The following CLPX variants were observed in gnomAD, a reference collection of about 807,000 sequenced individuals.
CLPX encodes the protein ATP-dependent clpX-like chaperone, mitochondrial.
A neutral mutation model predicts 76.4 loss-of-function variants in CLPX; 34 were observed. The observed-to-expected ratio is 0.45, with a 90% CI of 0.34 to 0.59. The LOEUF (loss-of-function observed/expected upper bound fraction) is 0.59, where lower values mean the gene tolerates loss of function less well. Among genes scored for constraint, CLPX ranks in the 20% least tolerant of loss-of-function variants. The pLI is 0.01. For synonymous variants in CLPX, 248 were observed against 270.9 expected (o/e 0.92, Z 0.83); for missense variants, 613 against 757.0 (o/e 0.81, Z 2.23).
rs2087709022 is a variant in CLPX at position 65,150,763 on chromosome 15, C to T, written c.*60G>A. The T allele has an allele frequency of 8.5e-7, 1 of 1,182,828 alleles. No individual in the cohort carries two copies. The highest frequency in any genetic ancestry group is 1.3e-5 in the South Asian group (1 of 75,662). The allele number at this position is 1,182,828 out of a possible 1,614,324, so 73.3% of individuals were successfully genotyped here. ...TGCCTTTAATATCAGACTGTAGAGA[C>T]AATTATGATCCTAAACAAAAGAAGG... On this transcript the variant is annotated 3_prime_UTR_variant, in exon 14 of 14. Transcript: ENST00000300107.
intron 6 of CLPX, among the ~76,000 whole-genome samples, chr15:65,159,139 C>A (rs1396920739): frequency 6.6e-6 from 1 of 152,192 alleles, no homozygotes; most frequent in Non-Finnish European, 1.5e-5. Flanking sequence ...ACTTTATGTT[C>A]CTGTTTCCTA....
At position 65,157,925 on chromosome 15, in the gene CLPX, A is replaced by C; in HGVS notation, c.893-15T>G. ...CAGAGTTTTACCTACAAATAGAAACAGTCACTAAAAGTTTACTGAAAATAT... is the reference window on the plus strand; with the variant it reads ...CAGAGTTTTACCTACAAATAGAAACCGTCACTAAAAGTTTACTGAAAATAT... On this transcript the variant is annotated splice_polypyrimidine_tract_variant and intron_variant, in intron 7 of 13. Coordinates refer to ENST00000300107, the MANE Select transcript of CLPX (RefSeq NM_006660.5). The C allele has an allele frequency of 6.5e-7, 1 of 1,548,076 alleles. No individual in the cohort carries two copies. Among genetic ancestry groups the C allele is most frequent in the Non-Finnish European group, 8.7e-7 (1 of 1,150,134 alleles).
intron 3 of CLPX, among the ~76,000 whole-genome samples, chr15:65,168,611 G>C (rs1409126006): frequency 9.0e-6 from 1 of 111,726 alleles, no homozygotes; most frequent in Admixed American, 9.9e-5. Flanking sequence ...GGTGGGGGGA[G>C]GGGGGAGGGA....
At chr15:65,175,335 A>C (rs2088075705) in intron 3 of CLPX, among the ~76,000 whole-genome samples, 1 of 151,980 alleles carries the variant, frequency 6.6e-6, no homozygotes, top group Non-Finnish European at 1.5e-5. Context: ...AAAATACAAA[A>C]ATTAGCCTGG....
intron 2 of CLPX, 26 bp from the exon 3 acceptor site, chr15:65,179,077 G>A: frequency 7.0e-7 from 1 of 1,427,582 alleles, no homozygotes; most frequent in Middle Eastern, 1.8e-4. Context: ...GAGAAAAAAG[G>A]AAGAGTGTCA....
At chr15:65,174,889 C>G (rs1307843679) in intron 3 of CLPX, among the ~76,000 whole-genome samples, 1 of 152,200 alleles carries the variant, frequency 6.6e-6, no homozygotes, top group African/African-American at 2.4e-5. Context: ...CATTAACATA[C>G]ACAGCTCTCA....
intron 2 of CLPX, among the ~76,000 whole-genome samples, chr15:65,179,318 T>C (rs1347330608): frequency 1.3e-5 from 2 of 152,208 alleles, no homozygotes; most frequent in Non-Finnish European, 2.9e-5. Flanking sequence ...TTTCATTCAA[T>C]GACTCAGGCA....
chr15:65,184,086 A>C (rs1242954812), intron 1 of CLPX, among the ~76,000 whole-genome samples: 1 of 152,250 alleles, frequency 6.6e-6, no homozygotes, highest in Non-Finnish European at 1.5e-5. Flanking sequence ...AGATATATTT[A>C]GTAAACAATA....
chr15:65,156,696 C>T, intron 9 of CLPX, 148 bp downstream of exon 9: 2 of 474,940 alleles, frequency 4.2e-6, no homozygotes, highest in Non-Finnish European at 3.7e-6. Flanking sequence ...CTTTTAGGAT[C>T]TAAACTACTT....
At chr15:65,159,248 A>G (rs1212848312) in intron 6 of CLPX, among the ~76,000 whole-genome samples, 1 of 152,174 alleles carries the variant, frequency 6.6e-6, no homozygotes, top group Non-Finnish European at 1.5e-5. Flanking sequence ...GGATCTTTCT[A>G]TTTCCTTTAT....
chr15:65,163,707 G>A (rs1054524790), intron 5 of CLPX, among the ~76,000 whole-genome samples: 3 of 151,998 alleles, frequency 2.0e-5, no homozygotes, highest in East Asian at 1.9e-4. Context: ...GGCAGGTCTC[G>A]AACTCCTGAC....
chr15:65,163,676 C>A (rs931357823), intron 5 of CLPX, among the ~76,000 whole-genome samples: 1 of 152,010 alleles, frequency 6.6e-6, no homozygotes, highest in African/African-American at 2.4e-5. Flanking sequence ...TTAGTAGAGA[C>A]GGAGTTTCCC....
intron 7 of CLPX, chr15:65,158,368 A>G: frequency 2.2e-6 from 1 of 459,714 alleles, no homozygotes; most frequent in South Asian, 4.9e-5. Context: ...ATTCCTGTGA[A>G]GATGTTAGGG....
intron 3 of CLPX, among the ~76,000 whole-genome samples, chr15:65,167,303 T>G (rs1185214757): frequency 6.6e-6 from 1 of 152,098 alleles, no homozygotes; most frequent in Non-Finnish European, 1.5e-5. Context: ...TCTCTTCACC[T>G]TGTTATCTGC....
At chr15:65,157,211 T>C (rs1337921436) in intron 8 of CLPX, among the ~76,000 whole-genome samples, 1 of 152,202 alleles carries the variant, frequency 6.6e-6, no homozygotes. Context: ...TTCTTTATAG[T>C]ATGGAAGCAG....
rs919754136 is a variant in CLPX, at chr15:65,153,647, T to C, written c.1612-8A>G. 42 of 1,448,860 alleles carry C rather than the reference T, an allele frequency of 2.9e-5. No homozygotes were observed. The highest frequency in any genetic ancestry group is 1.8e-4 in the Middle Eastern group (1 of 5,646). The allele number at this position is 1,448,860 out of a possible 1,614,324, so 89.8% of individuals were successfully genotyped here. A position where few individuals can be genotyped will look rare whatever the true frequency, so the allele number is the denominator to read the frequency against. ...AGTAACATTCAGTTCACACTACAAA[T>C]ACATTAAAAATAAATTATAACTTTT... On this transcript the variant is annotated splice_region_variant and splice_polypyrimidine_tract_variant and intron_variant, in intron 11 of 13. Transcript: ENST00000300107.
chr15:65,155,198 TCATTTA>T lies in CLPX; in HGVS notation c.1312-123_1312-118del. Reference sequence around the variant, plus strand: ...CAACTCTATGAAGAAGGTTTTATTATCATTTACATTTTACAAAGGAAAAAAACAGGC... The same window carrying T: ...CAACTCTATGAAGAAGGTTTTATTATCATTTTACAAAGGAAAAAAACAGGC... On this transcript the variant is annotated intron_variant, in intron 10 of 13. Transcript: ENST00000300107. 8.6e-6 allele frequency: 8 copies of T among 926,706 alleles called. No homozygotes were observed. In the South Asian group the frequency reaches 1.4e-4, roughly 16 times the overall value. 57.4% of individuals were successfully genotyped at this position (926,706 alleles called of 1,614,324 possible).
At chr15:65,156,813 G>A (rs1470054189) in intron 9 of CLPX, 31 bp downstream of exon 9, 1 of 1,425,610 alleles carries the variant, frequency 7.0e-7, no homozygotes, top group East Asian at 2.3e-5. Flanking sequence ...CTTCCTTTTA[G>A]TGGGCTTGAA....
intron 9 of CLPX, among the ~76,000 whole-genome samples, 155 bp from the exon 10 acceptor site, chr15:65,156,011 T>C (rs1251686558): frequency 1.3e-5 from 2 of 152,210 alleles, no homozygotes; most frequent in African/African-American, 4.8e-5. Context: ...CAAGAAAATC[T>C]AATGCATTTA....
Sources: gnomAD v4.1 joint callset for allele counts (sites outside exome capture counted in the v4.1 genomes callset) on GRCh38, gnomAD v4.1.1 for gene constraint, MANE v1.5 for transcripts, NCBI Gene and HGNC (gene_info 2026-07-23, HGNC 2026-07-21) for gene names.